The following SYT13 variants were observed in gnomAD, a reference collection of about 807,000 sequenced individuals.
SYT13 encodes the protein synaptotagmin 13.
A neutral mutation model predicts 38.6 loss-of-function variants in SYT13; 21 were observed. The observed-to-expected ratio is 0.54, with a 90% CI of 0.39 to 0.78. SYT13 has a LOEUF of 0.78. Among genes scored for constraint, SYT13 ranks in the 30% least tolerant of loss-of-function variants. SYT13 has a pLI of 0.00. For missense variants in SYT13, 495 were observed against 548.7 expected (o/e 0.90, Z 0.98); for synonymous variants, 241 against 237.6 (o/e 1.01, Z -0.13).
chr11:45,254,851 T>C (rs1218323528), intron 2 of SYT13, among the ~76,000 whole-genome samples: 4 of 152,138 alleles, frequency 2.6e-5, no homozygotes, highest in Non-Finnish European at 5.9e-5. Context: ...TGGTGGCTCA[T>C]GCCTGTAACC....
At chr11:45,246,719 T>C (rs190767426) in intron 4 of SYT13, among the ~76,000 whole-genome samples, 2 of 152,304 alleles carry the variant, frequency 1.3e-5, no homozygotes, top group Admixed American at 1.3e-4. Context: ...AATAGCAGTT[T>C]CTTTGTTTGC....
chr11:45,259,047 T>C lies in SYT13; in HGVS notation c.184-3156A>G, dbSNP rs367931738. 2.6e-5 allele frequency among the ~76,000 whole-genome samples: 4 copies of C among 152,138 alleles called. No individual in the cohort carries two copies. The South Asian group carries it at 6.2e-4, about 24-fold the overall frequency. On this transcript the variant is annotated intron_variant, in intron 1 of 5. Transcript: ENST00000020926. ...CACTTCAAATTTCTTGTCATTTCCA[T>C]TGCCCTGCAGCTGCTTCTCAACACC... is the stretch of plus-strand genomic sequence containing the variant.
At chr11:45,284,312 C>T (rs1855109005) in intron 1 of SYT13, among the ~76,000 whole-genome samples, 1 of 152,194 alleles carries the variant, frequency 6.6e-6, no homozygotes. Flanking sequence ...AGCTGTGCAG[C>T]TCTAGGCAAG....
At chr11:45,246,261 T>C (rs1854612821) in intron 5 of SYT13, 122 bp downstream of exon 5, 24 of 1,393,034 alleles carry the variant, frequency 1.7e-5, no homozygotes, top group Non-Finnish European at 2.3e-5. Context: ...CATGGCTCCG[T>C]AGATGTGCTC....
In SYT13 at chr11:45,255,761, G is replaced by A. The variant is rs368306910; in HGVS notation, c.314C>T (p.Thr105Met). Residue 105 changes from threonine to methionine, a missense_variant, in exon 2 of 6, where the codon ACG (threonine) becomes ATG (methionine). Transcript: ENST00000020926. The part of the protein sequence containing the change: ...INYADYSLRS[T>M]EEPTAPASPQ... Reference sequence around the variant, plus strand: ...GCTGGCAGGTGCAGTGGGCTCCTCCGTAGACCTCAGTGAATAGTCTGCATA... The same window carrying A: ...GCTGGCAGGTGCAGTGGGCTCCTCCATAGACCTCAGTGAATAGTCTGCATA... 1.0e-4 allele frequency: 161 copies of A among 1,614,054 alleles called. No individual in the cohort carries two copies. Among genetic ancestry groups the A allele is most frequent in the Non-Finnish European group, 1.2e-4 (139 of 1,180,040 alleles).
At chr11:45,270,266 A>G (rs947975557) in intron 1 of SYT13, among the ~76,000 whole-genome samples, 1 of 152,160 alleles carries the variant, frequency 6.6e-6, no homozygotes, top group African/African-American at 2.4e-5. Context: ...TAGGAACACA[A>G]TTGTTTAATA....
rs938345183 is a variant in SYT13 at position 45,243,658 on chromosome 11, GT to G, written c.*393del. 3.0e-5 allele frequency: 5 copies of G among 165,500 alleles called. No individual in the cohort carries two copies. The highest frequency in any genetic ancestry group is 1.2e-4 in the African/African-American group (5 of 41,902). 10.3% of individuals were successfully genotyped at this position (165,500 alleles called of 1,614,324 possible). On this transcript the variant is annotated 3_prime_UTR_variant, in exon 6 of 6. Coordinates refer to ENST00000020926, the MANE Select transcript of SYT13 (RefSeq NM_020826.3). Reference sequence around the variant, plus strand: ...ACCTGGGCAATCTCTAACTCTAGGAGTTGATCCAGGATACTTTCACTTCCTT... The same window carrying G: ...ACCTGGGCAATCTCTAACTCTAGGAGTGATCCAGGATACTTTCACTTCCTT...
rs1439887300 is a variant in SYT13, at chr11:45,240,587, T to A, written c.*3465A>T. ...TCTCTGTGCCCAGCTTTGTTTGGAGTGATTTGTCATTCAACCCACACAAAA... is the reference window on the plus strand; with the variant it reads ...TCTCTGTGCCCAGCTTTGTTTGGAGAGATTTGTCATTCAACCCACACAAAA... On this transcript the variant is annotated 3_prime_UTR_variant, in exon 6 of 6. Coordinates refer to ENST00000020926, the MANE Select transcript of SYT13 (RefSeq NM_020826.3). 2 of 152,212 alleles carry A rather than the reference T, an allele frequency of 1.3e-5. No homozygotes were observed. The highest frequency in any genetic ancestry group is 2.4e-5 in the African/African-American group (1 of 41,448). The allele number at this position is 152,212 out of a possible 1,614,324, so 9.4% of individuals were successfully genotyped here.
At chr11:45,280,212 G>A (rs911475003) in intron 1 of SYT13, among the ~76,000 whole-genome samples, 10 of 152,176 alleles carry the variant, frequency 6.6e-5, no homozygotes, top group Admixed American at 2.0e-4. Context: ...TGCTCTAGAG[G>A]ACTAAGGAAG....
At position 45,279,721 on chromosome 11, in the gene SYT13, A is replaced by G. The variant is rs990273681; in HGVS notation, c.183+6304T>C. ...CTTCATTGTGGTGGTGGTGGTTTAT[A>G]TGAATGGGTGAGTTCACCAGGCAAG... On this transcript the variant is annotated intron_variant, in intron 1 of 5. Coordinates refer to ENST00000020926, the MANE Select transcript of SYT13 (RefSeq NM_020826.3). 5.3e-5 allele frequency among the ~76,000 whole-genome samples: 8 copies of G among 152,328 alleles called. No individual in the cohort carries two copies. In the East Asian group the frequency reaches 9.6e-4, roughly 18 times the overall value.
chr11:45,285,994 C>G, intron 1 of SYT13, 31 bp downstream of exon 1: 1 of 1,592,078 alleles, frequency 6.3e-7, no homozygotes, highest in Non-Finnish European at 8.5e-7. Flanking sequence ...CCGCCTTGCC[C>G]GGGAAGGGCC....
intron 1 of SYT13, among the ~76,000 whole-genome samples, chr11:45,280,884 C>T (rs915718346): frequency 6.6e-6 from 1 of 152,236 alleles, no homozygotes; most frequent in Non-Finnish European, 1.5e-5. Context: ...GAAGGCTCCA[C>T]TACACATATA....
chr11:45,277,537 C>G (rs1030137585), intron 1 of SYT13, among the ~76,000 whole-genome samples: 2 of 152,130 alleles, frequency 1.3e-5, no homozygotes, highest in South Asian at 4.1e-4. Context: ...CATCCAGGCC[C>G]CTTCCTATTT....
At position 45,252,702 on chromosome 11, in the gene SYT13, C is replaced by T. The variant is rs755888154; in HGVS notation, c.565G>A (p.Gly189Arg). The T allele has an allele frequency of 2.3e-5, 36 of 1,580,312 alleles. No homozygotes were observed. The highest frequency in any genetic ancestry group is 2.9e-5 in the Non-Finnish European group (34 of 1,156,750). Residue 189 changes from glycine (G) to arginine (R), a missense_variant, in exon 4 of 6, where the codon GGA (glycine) becomes AGA (arginine). By Grantham distance (125) the Gly-to-Arg change is moderately radical. Transcript: ENST00000020926. The surrounding 1 kb of genome is among the most constrained non-coding windows in gnomAD (Gnocchi z 4.3). ...RLEAVTSNHD[G>R]GCDCYVQGSV... is the part of the protein sequence containing the mutation. ...CCTTGGACGTAGCAGTCACAGCCTC[C>T]GTCGTGGTTGCTGGTCACAGCTGCA...
chr11:45,264,393 A>G (rs1854856581), intron 1 of SYT13, among the ~76,000 whole-genome samples: 1 of 152,238 alleles, frequency 6.6e-6, no homozygotes, highest in Non-Finnish European at 1.5e-5. Flanking sequence ...AAAAAATGAC[A>G]TTCCATTTTC....
intron 3 of SYT13, 175 bp downstream of exon 3, chr11:45,254,094 GT>G (rs1221363257): frequency 3.3e-6 from 2 of 612,624 alleles, no homozygotes; most frequent in Admixed American, 4.2e-5. Context: ...ACTTTGGACT[GT>G]TGGGGTTGGG....
intron 4 of SYT13, among the ~76,000 whole-genome samples, chr11:45,248,085 G>A (rs998097922): frequency 2.0e-5 from 3 of 152,180 alleles, no homozygotes; most frequent in Non-Finnish European, 4.4e-5. Context: ...ATGACCTTGG[G>A]TAAGTTACTT....
chr11:45,260,791 C>T (rs1189777807), intron 1 of SYT13, among the ~76,000 whole-genome samples: 1 of 152,198 alleles, frequency 6.6e-6, no homozygotes, highest in East Asian at 1.9e-4. Flanking sequence ...AGATTCTCCG[C>T]CTCACCTGTC....
At chr11:45,247,445 T>C (rs902747633) in intron 4 of SYT13, among the ~76,000 whole-genome samples, 2 of 151,492 alleles carry the variant, frequency 1.3e-5, no homozygotes, top group Admixed American at 1.3e-4. Flanking sequence ...GGAGTGGGAG[T>C]GGGGGAAGGC....
Sources: gnomAD v4.1 joint callset for allele counts (sites outside exome capture counted in the v4.1 genomes callset) on GRCh38, gnomAD v4.1.1 for gene constraint, Gnocchi (gnomAD v3.1) non-coding constraint, MANE v1.5 for transcripts, NCBI Gene and HGNC (gene_info 2026-07-23, HGNC 2026-07-21) for gene names.